The following EPC2 variants were observed in gnomAD, a reference collection of about 807,000 sequenced individuals.
EPC2 encodes the protein enhancer of polycomb 2, also known as enhancer of polycomb homolog 2.
Under a neutral mutation model 92.1 loss-of-function variants are expected in EPC2, and 14 were observed. The observed-to-expected ratio is 0.15, with a 90% CI of 0.10 to 0.24. EPC2 has a LOEUF of 0.24. Ranked by LOEUF, EPC2 falls within the 10% of genes least tolerant of loss-of-function variation. The probability of loss-of-function intolerance (pLI) is 1.00; values close to 1 mark genes in which losing one functional copy is unlikely to be tolerated. For missense variants in EPC2, 755 were observed against 971.5 expected, an observed-to-expected ratio of 0.78 and a Z score of 2.96; for synonymous variants, 340 against 334.7, an observed-to-expected ratio of 1.02 and a Z score of -0.17.
chr2:148,698,382 A>G (rs1458804131), intron 2 of EPC2, among the ~76,000 whole-genome samples: 1 of 152,106 alleles, frequency 6.6e-6, no homozygotes, highest in Non-Finnish European at 1.5e-5. Flanking sequence ...TCGTGCCTGT[A>G]ATCCCAGCAC....
intron 5 of EPC2, 36 bp from the exon 6 acceptor site, chr2:148,762,634 T>C: frequency 6.8e-7 from 1 of 1,475,336 alleles, no homozygotes; most frequent in Non-Finnish European, 9.1e-7. Context: ...TGTCAAACTA[T>C]GCAATGTTTT....
At chr2:148,662,222 G>T (rs10191836) in intron 1 of EPC2, among the ~76,000 whole-genome samples, 146,229 of 151,730 alleles carry the variant, frequency 0.96, 70,691 homozygotes, top group Middle Eastern at 1. Context: ...GTTGGTGGGA[G>T]TGTAAACTAG....
intron 1 of EPC2, among the ~76,000 whole-genome samples, chr2:148,673,492 A>G (rs1681196163): frequency 6.6e-6 from 1 of 152,212 alleles, no homozygotes. Context: ...GTTTCCAATT[A>G]AGTTATCATA....
At chr2:148,665,913 TTAAA>T in intron 1 of EPC2, among the ~76,000 whole-genome samples, 1 of 152,196 alleles carries the variant, frequency 6.6e-6, no homozygotes, top group East Asian at 1.9e-4. Context: ...ATAAATGTCT[TTAAA>T]TATAGTTTTA....
intron 2 of EPC2, among the ~76,000 whole-genome samples, chr2:148,721,978 T>C (rs1159483082): frequency 6.8e-6 from 1 of 146,000 alleles, no homozygotes; most frequent in Non-Finnish European, 1.5e-5. Flanking sequence ...CATTAAAGCC[T>C]TATAGTTTTC....
chr2:148,737,573 C>G (rs1430427507), intron 2 of EPC2, among the ~76,000 whole-genome samples: 1 of 152,078 alleles, frequency 6.6e-6, no homozygotes. Context: ...CTCAGCGTGC[C>G]TAGTGCTTCA....
intron 2 of EPC2, among the ~76,000 whole-genome samples, chr2:148,711,544 G>C (rs535598545): frequency 6.6e-6 from 1 of 152,094 alleles, no homozygotes; most frequent in Non-Finnish European, 1.5e-5. Flanking sequence ...TTTAGAAAAA[G>C]TGTGTTCTGC....
chr2:148,720,892 C>G (rs943755455), intron 2 of EPC2, among the ~76,000 whole-genome samples: 9 of 152,194 alleles, frequency 5.9e-5, no homozygotes, highest in Admixed American at 1.3e-4. Flanking sequence ...TCGTTCCTCT[C>G]CATGAGCGCC....
At chr2:148,651,389 C>T (rs755473764) in intron 1 of EPC2, among the ~76,000 whole-genome samples, 3 of 152,160 alleles carry the variant, frequency 2.0e-5, no homozygotes, top group Non-Finnish European at 4.4e-5. Flanking sequence ...CTTCTGTCTT[C>T]CCCTTCATTT....
intron 2 of EPC2, among the ~76,000 whole-genome samples, chr2:148,723,053 C>T (rs910060659): frequency 1.3e-5 from 2 of 151,906 alleles, no homozygotes; most frequent in South Asian, 2.1e-4. Flanking sequence ...GGAAAAGGAT[C>T]GAAAAACTAT....
At chr2:148,663,439 C>T (rs952636321) in intron 1 of EPC2, among the ~76,000 whole-genome samples, 1 of 151,272 alleles carries the variant, frequency 6.6e-6, no homozygotes, top group South Asian at 2.1e-4. Flanking sequence ...AGGATGGTCT[C>T]AATCTCCTGA....
chr2:148,653,289 G>C (rs1404659968), intron 1 of EPC2, among the ~76,000 whole-genome samples: 1 of 152,224 alleles, frequency 6.6e-6, no homozygotes, highest in East Asian at 1.9e-4. Flanking sequence ...TTAGTTTTAA[G>C]TAGAGTTGAA....
intron 2 of EPC2, among the ~76,000 whole-genome samples, chr2:148,695,375 G>A (rs1323598358): frequency 2.0e-5 from 3 of 152,226 alleles, no homozygotes; most frequent in Non-Finnish European, 2.9e-5. Context: ...CTAGCAAAAT[G>A]CCTGTGTGTG....
At chr2:148,730,904 A>T (rs1682606376) in intron 2 of EPC2, among the ~76,000 whole-genome samples, 1 of 152,230 alleles carries the variant, frequency 6.6e-6, no homozygotes, top group Non-Finnish European at 1.5e-5. Context: ...ATATTTGTGC[A>T]TATAACTTCA....
At position 148,649,847 on chromosome 2, in the gene EPC2, G is replaced by A. The variant is rs116030499; in HGVS notation, c.153+4677G>A. On this transcript the variant is annotated intron_variant, in intron 1 of 13. Transcript: ENST00000258484. ...ATAATATTTTACTTTTTATAACTTT[G>A]GAAACCTTAGAAGTTGCCAATTTGG... 5.0e-3 allele frequency among the ~76,000 whole-genome samples: 755 copies of A among 152,126 alleles called. 3 individuals are homozygous for A. The highest frequency in any genetic ancestry group is 6.4e-3 in the Non-Finnish European group (433 of 67,988).
Position 148,662,088 on chromosome 2 carries a change from A to G in EPC2, c.153+16918A>G, listed in dbSNP as rs920298504. On this transcript the variant is annotated intron_variant, in intron 1 of 13. Transcript: ENST00000258484. Reference sequence around the variant, plus strand: ...AAAATGCTCATCATCACTGGCCATCAGAGAAATGCAAATCAAAACTACAGT... The same window carrying G: ...AAAATGCTCATCATCACTGGCCATCGGAGAAATGCAAATCAAAACTACAGT... 1.2e-4 allele frequency among the ~76,000 whole-genome samples: 18 copies of G among 152,352 alleles called. 1 individual carries two copies. Among genetic ancestry groups the G allele is most frequent in the African/African-American group, 3.1e-4 (13 of 41,586 alleles).
chr2:148,696,249 A>G (rs1681742743), intron 2 of EPC2, among the ~76,000 whole-genome samples: 1 of 152,190 alleles, frequency 6.6e-6, no homozygotes, highest in Non-Finnish European at 1.5e-5. Flanking sequence ...AGAAGTTGAA[A>G]ACTAGTTTGG....
At chr2:148,713,701 C>G (rs1230899178) in intron 2 of EPC2, among the ~76,000 whole-genome samples, 2 of 152,108 alleles carry the variant, frequency 1.3e-5, no homozygotes, top group Non-Finnish European at 2.9e-5. Flanking sequence ...TGTACCTTAT[C>G]TATGTTTAAT....
At chr2:148,682,182 A>G (rs1320709341) in intron 1 of EPC2, among the ~76,000 whole-genome samples, 2 of 152,194 alleles carry the variant, frequency 1.3e-5, no homozygotes, top group Non-Finnish European at 2.9e-5. Flanking sequence ...CAGTAAACAT[A>G]TGTGTGCATG....
Sources: allele counts gnomAD v4.1 joint callset (sites outside exome capture counted in the v4.1 genomes callset), GRCh38; gene constraint gnomAD v4.1.1; transcripts MANE v1.5; gene names NCBI Gene and HGNC (gene_info 2026-07-23, HGNC 2026-07-21).